Variants in FAM174A observed in about 807,000 individuals in gnomAD.
FAM174A encodes the protein family with sequence similarity 174 member A.
Under a neutral mutation model 14.3 loss-of-function variants are expected in FAM174A, and 14 were observed. That is an observed-to-expected ratio of 0.98 (90% CI 0.65 to 1.53). The LOEUF (loss-of-function observed/expected upper bound fraction) is 1.53, where lower values mean the gene tolerates loss of function less well. Among genes scored for constraint, FAM174A ranks in the 40% most tolerant of loss-of-function variants. The pLI is 0.00. For synonymous variants in FAM174A, 108 were observed against 111.4 expected (o/e 0.97, Z 0.19); for missense variants, 241 against 249.6 (o/e 0.97, Z 0.23).
intron 1 of FAM174A, among the ~76,000 whole-genome samples, chr5:100,541,926 T>C (rs941724420): frequency 2.0e-5 from 3 of 152,196 alleles, no homozygotes; most frequent in Admixed American, 6.5e-5. Flanking sequence ...TGAGTATTTC[T>C]TGCCTAGCTT....
At chr5:100,574,356 T>G (rs549914604) in intron 2 of FAM174A, among the ~76,000 whole-genome samples, 2 of 151,976 alleles carry the variant, frequency 1.3e-5, no homozygotes, top group South Asian at 4.2e-4. Flanking sequence ...CCTGGCTGAT[T>G]TTTGTATTTT....
rs200125091 is a variant in FAM174A, at chr5:100,571,143, TA to T, written c.569+8956del. Among the ~76,000 whole-genome samples the T allele has an allele frequency of 5.9e-3, 785 of 132,724 alleles. 9 individuals are homozygous for T. The highest frequency in any genetic ancestry group is 0.021 in the African/African-American group (729 of 34,970). 87.1% of individuals were successfully genotyped at this position (132,724 alleles called of 152,430 possible). A position where few individuals can be genotyped will look rare whatever the true frequency, so the allele number is the denominator to read the frequency against. On this transcript the variant is annotated intron_variant, in intron 2 of 2. Coordinates refer to ENST00000312637, the MANE Select transcript of FAM174A (RefSeq NM_198507.3). ...GAGTTTATATGTACATATACATATA[TA>T]TGTGTGTGTATATATATATGTGTGT... is the stretch of plus-strand genomic sequence containing the variant.
chr5:100,562,021 A>C (rs573494273), intron 1 of FAM174A, 33 bp from the exon 2 acceptor site: 1 of 1,256,306 alleles, frequency 8.0e-7, no homozygotes, highest in Non-Finnish European at 1.1e-6. Flanking sequence ...CATATTAAAT[A>C]ATTTTTATTC....
At chr5:100,546,494 A>T (rs994216783) in intron 1 of FAM174A, among the ~76,000 whole-genome samples, 2 of 152,096 alleles carry the variant, frequency 1.3e-5, no homozygotes, top group African/African-American at 4.8e-5. Flanking sequence ...CTCCTGAAGA[A>T]CTCAGATTTG....
At chr5:100,556,287 T>G (rs2112379066) in intron 1 of FAM174A, among the ~76,000 whole-genome samples, 1 of 152,328 alleles carries the variant, frequency 6.6e-6, no homozygotes, top group East Asian at 1.9e-4. Context: ...CTCTGTTCTG[T>G]TCCATTGGTC....
rs534979006 is a variant in FAM174A, at chr5:100,558,385, G to T, written c.435-3669G>T. On this transcript the variant is annotated intron_variant, in intron 1 of 2. Transcript: ENST00000312637. Reference sequence around the variant, plus strand: ...ATGTGGTCAGTTTTGGAATAGGTGTGGTGTGCTGCTGAAAAGAATGTATAT... The same window carrying T: ...ATGTGGTCAGTTTTGGAATAGGTGTTGTGTGCTGCTGAAAAGAATGTATAT... 4.2e-3 allele frequency among the ~76,000 whole-genome samples: 641 copies of T among 152,224 alleles called. 4 individuals are homozygous for T. Among genetic ancestry groups the T allele is most frequent in the South Asian group, 0.018 (86 of 4,828 alleles).
At position 100,586,299 on chromosome 5, in the gene FAM174A, A is replaced by G; in HGVS notation, c.*115A>G. On this transcript the variant is annotated 3_prime_UTR_variant, in exon 3 of 3. Coordinates refer to ENST00000312637, the MANE Select transcript of FAM174A (RefSeq NM_198507.3). ...TTGGGGGGGTATTTAAGTTACATAT[A>G]TTTTAACAACCTTTAATTTGCTGTT... The G allele has an allele frequency of 1.6e-6, 1 of 645,068 alleles. No homozygotes were observed. The highest frequency in any genetic ancestry group is 2.6e-6 in the Non-Finnish European group (1 of 381,104). 40.0% of individuals were successfully genotyped at this position (645,068 alleles called of 1,614,324 possible). A position where few individuals can be genotyped will look rare whatever the true frequency, so the allele number is the denominator to read the frequency against.
At chr5:100,558,890 C>T (rs1422878874) in intron 1 of FAM174A, among the ~76,000 whole-genome samples, 1 of 152,052 alleles carries the variant, frequency 6.6e-6, no homozygotes, top group Non-Finnish European at 1.5e-5. Context: ...ACTCTTTATC[C>T]AATTTGCCAG....
chr5:100,580,298 C>T (rs148467335), intron 2 of FAM174A, among the ~76,000 whole-genome samples: 2 of 152,154 alleles, frequency 1.3e-5, no homozygotes, highest in East Asian at 1.9e-4. Context: ...AATATAGTAC[C>T]GTTCATAGGA....
intron 1 of FAM174A, among the ~76,000 whole-genome samples, chr5:100,558,812 A>T (rs1212798846): frequency 6.6e-6 from 1 of 151,618 alleles, no homozygotes; most frequent in Admixed American, 6.6e-5. Context: ...CCATCCCTTT[A>T]TTTTGAGCCT....
intron 2 of FAM174A, among the ~76,000 whole-genome samples, chr5:100,565,514 G>T (rs1746625240): frequency 6.6e-6 from 1 of 151,886 alleles, no homozygotes; most frequent in Non-Finnish European, 1.5e-5. Flanking sequence ...TTTAAAATGG[G>T]CACATGACCC....
chr5:100,537,714 A>T (rs1465536040), intron 1 of FAM174A, among the ~76,000 whole-genome samples: 2 of 152,220 alleles, frequency 1.3e-5, no homozygotes, highest in Admixed American at 6.5e-5. Context: ...ATAAAGAAAG[A>T]TTAAAAGAAT....
chr5:100,548,960 TTGTTA>T (rs1487611743), intron 1 of FAM174A, among the ~76,000 whole-genome samples: 1 of 152,102 alleles, frequency 6.6e-6, no homozygotes, highest in Non-Finnish European at 1.5e-5. Flanking sequence ...TATACAAATA[TTGTTA>T]TGTATTATAA....
At chr5:100,550,519 G>A (rs1746241754) in intron 1 of FAM174A, among the ~76,000 whole-genome samples, 1 of 152,022 alleles carries the variant, frequency 6.6e-6, no homozygotes, top group Admixed American at 6.6e-5. Flanking sequence ...ATATTTATCA[G>A]GCATCAACTT....
chr5:100,552,048 G>A (rs1173797941), intron 1 of FAM174A, among the ~76,000 whole-genome samples: 1 of 152,160 alleles, frequency 6.6e-6, no homozygotes, highest in African/African-American at 2.4e-5. Context: ...ATTAGTATCT[G>A]ATTCTTGAAG....
intron 2 of FAM174A, among the ~76,000 whole-genome samples, chr5:100,569,283 TATA>T (rs1746726506): frequency 6.6e-6 from 1 of 151,902 alleles, no homozygotes; most frequent in Non-Finnish European, 1.5e-5. Flanking sequence ...ATGTATGTAT[TATA>T]ATCACAATAG....
At chr5:100,562,237 C>T in intron 2 of FAM174A, 49 bp downstream of exon 2, 1 of 1,507,694 alleles carries the variant, frequency 6.6e-7, no homozygotes, top group Non-Finnish European at 8.9e-7. Flanking sequence ...CAAGTCCTTG[C>T]CAAGTAAACT....
chr5:100,555,679 G>A (rs1293683434), intron 1 of FAM174A, among the ~76,000 whole-genome samples: 1 of 152,214 alleles, frequency 6.6e-6, no homozygotes, highest in East Asian at 1.9e-4. Context: ...CTGATGGCCA[G>A]TGATGGTGAG....
At chr5:100,543,851 T>C (rs1746113876) in intron 1 of FAM174A, among the ~76,000 whole-genome samples, 1 of 152,208 alleles carries the variant, frequency 6.6e-6, no homozygotes, top group Non-Finnish European at 1.5e-5. Context: ...GTTTAACTCC[T>C]GGTTGTCTTT....
Sources: gnomAD v4.1 joint callset for allele counts (sites outside exome capture counted in the v4.1 genomes callset) on GRCh38, gnomAD v4.1.1 for gene constraint, MANE v1.5 for transcripts, NCBI Gene and HGNC (gene_info 2026-07-23, HGNC 2026-07-21) for gene names.